FNBP1: variants seen among roughly 807,000 people sequenced by gnomAD.
FNBP1 encodes the protein formin-binding protein 1.
Under a neutral mutation model 90.6 loss-of-function variants are expected in FNBP1, and 26 were observed. That is an observed-to-expected ratio of 0.29 (90% CI 0.21 to 0.40). The LOEUF is 0.40. FNBP1 is among the 10% of genes least tolerant of loss of function. The pLI is 1.00. For missense variants in FNBP1, 635 were observed against 768.0 expected (o/e 0.83, Z 2.05); for synonymous variants, 260 against 265.2 (o/e 0.98, Z 0.19).
At chr9:129,919,911 C>T (rs528419491) in intron 10 of FNBP1, among the ~76,000 whole-genome samples, 4 of 152,286 alleles carry the variant, frequency 2.6e-5, no homozygotes, top group Non-Finnish European at 5.9e-5. Flanking sequence ...CCATGGATGT[C>T]CCATGCAAGA....
intron 12 of FNBP1, among the ~76,000 whole-genome samples, chr9:129,905,223 G>A (rs1237353213): frequency 2.0e-5 from 3 of 148,156 alleles, no homozygotes; most frequent in African/African-American, 7.4e-5. Flanking sequence ...CTTTCCACAT[G>A]TTTATCAACT....
At position 129,890,390 on chromosome 9, in the gene FNBP1, A is replaced by C; in HGVS notation, c.*149T>G. 2.2e-5 allele frequency: 13 copies of C among 595,790 alleles called. No individual in the cohort carries two copies. The highest frequency in any genetic ancestry group is 3.1e-5 in the East Asian group (1 of 32,688). 36.9% of individuals were successfully genotyped at this position (595,790 alleles called of 1,614,324 possible). On this transcript the variant is annotated 3_prime_UTR_variant, in exon 17 of 17. Transcript: ENST00000446176. This position sits in a 1 kb window ranked among gnomAD's most constrained non-coding sequence, Gnocchi z 5.8. ...TGGGCGGGAGGGCAGGGCCGCAGGG[A>C]GCATGCTGGAGAGAGAGAGAGACCG...
At chr9:129,969,675 C>T (rs1192394710) in intron 4 of FNBP1, among the ~76,000 whole-genome samples, 1 of 151,690 alleles carries the variant, frequency 6.6e-6, no homozygotes, top group East Asian at 1.9e-4. Context: ...TTTGAAAGGC[C>T]GACGCGGGAA....
chr9:129,944,019 G>A (rs1310038102), intron 6 of FNBP1, among the ~76,000 whole-genome samples: 1 of 116,412 alleles, frequency 8.6e-6, no homozygotes, highest in South Asian at 2.9e-4. Flanking sequence ...ACCTGCTATC[G>A]TTCTGATGAT....
At chr9:130,038,996 A>T (rs2059593808) in intron 1 of FNBP1, among the ~76,000 whole-genome samples, 1 of 149,868 alleles carries the variant, frequency 6.7e-6, no homozygotes, top group South Asian at 2.1e-4. Flanking sequence ...AGTAGGCAAG[A>T]AAAAAAAAAC....
intron 10 of FNBP1, among the ~76,000 whole-genome samples, chr9:129,921,407 T>G (rs2041075347): frequency 6.6e-6 from 1 of 151,844 alleles, no homozygotes. Flanking sequence ...TTTTTTTTCT[T>G]TTTTGAGACA....
rs550230881 is a variant in FNBP1, at chr9:129,940,518, G to A, written c.514-10823C>T. On this transcript the variant is annotated intron_variant, in intron 6 of 16. Coordinates refer to ENST00000446176, the MANE Select transcript of FNBP1 (RefSeq NM_015033.3). ...AAGAAGTTATGAGGCGTGGGGAACA[G>A]AATGAGAAATTTCACACACATCTAA... Among the ~76,000 whole-genome samples, 13 of 152,088 alleles carry A rather than the reference G, an allele frequency of 8.5e-5. No homozygotes were observed. In the East Asian group the frequency reaches 2.1e-3, roughly 25 times the overall value.
At chr9:129,988,809 A>G (rs765288007) in intron 2 of FNBP1, among the ~76,000 whole-genome samples, 32 of 152,236 alleles carry the variant, frequency 2.1e-4, no homozygotes, top group Admixed American at 4.6e-4. Context: ...CTTTATTTAC[A>G]AAACCAAGTA....
rs913784253 is a variant in FNBP1 at position 129,900,729 on chromosome 9, G to A, written c.1429-182C>T. ...GTCCACGTGGGGGCAGAATGGCCAC[G>A]TTTTCTGCCTTCGACTGTTCAAATG... On this transcript the variant is annotated intron_variant, in intron 13 of 16. Coordinates refer to ENST00000446176, the MANE Select transcript of FNBP1 (RefSeq NM_015033.3). This position sits in a 1 kb window ranked among gnomAD's most constrained non-coding sequence, Gnocchi z 4.1. Among the ~76,000 whole-genome samples the A allele has an allele frequency of 2.6e-5, 4 of 152,252 alleles. No homozygotes were observed. Among genetic ancestry groups the A allele is most frequent in the Admixed American group, 6.5e-5 (1 of 15,284 alleles).
chr9:129,904,308 A>C (rs1438880543), intron 12 of FNBP1, among the ~76,000 whole-genome samples: 1 of 152,222 alleles, frequency 6.6e-6, no homozygotes, highest in African/African-American at 2.4e-5. Flanking sequence ...CATGTCTGGA[A>C]GCAGCCCATG....
intron 2 of FNBP1, among the ~76,000 whole-genome samples, chr9:129,983,071 A>G (rs1315399268): frequency 6.6e-6 from 1 of 152,248 alleles, no homozygotes; most frequent in Non-Finnish European, 1.5e-5. Flanking sequence ...CCAAAATGTT[A>G]AATCCACATT....
intron 2 of FNBP1, among the ~76,000 whole-genome samples, chr9:129,990,000 A>G (rs750596100): frequency 1.2e-4 from 18 of 148,764 alleles, no homozygotes; most frequent in African/African-American, 1.7e-4. Flanking sequence ...CACTCCACCC[A>G]GGGTGACAGA....
At chr9:130,027,978 C>T (rs1354617407) in intron 1 of FNBP1, among the ~76,000 whole-genome samples, 2 of 151,994 alleles carry the variant, frequency 1.3e-5, no homozygotes, top group Admixed American at 6.6e-5. Context: ...GTCTCAAACT[C>T]GTGTGTTCAA....
intron 4 of FNBP1, among the ~76,000 whole-genome samples, chr9:129,961,976 G>T (rs1220835546): frequency 6.6e-6 from 1 of 152,144 alleles, no homozygotes; most frequent in African/African-American, 2.4e-5. Flanking sequence ...ACCCTGTCTG[G>T]GTCCCCAGAG....
rs535365360 is a variant in FNBP1 at position 129,942,022 on chromosome 9, G to T, written c.514-12327C>A. On this transcript the variant is annotated intron_variant, in intron 6 of 16. Transcript: ENST00000446176. The stretch of plus-strand genomic sequence containing the variant: ...GGAGGCGGAGGTTGTAGTGAGCTAA[G>T]ATCGCACCACTGCACTCCAGCCTGG... Among the ~76,000 whole-genome samples, 4 of 151,526 alleles carry T rather than the reference G, an allele frequency of 2.6e-5. No homozygotes were observed. The East Asian group carries it at 5.9e-4, about 22-fold the overall frequency.
chr9:129,947,195 C>T (rs887849520), intron 6 of FNBP1, among the ~76,000 whole-genome samples: 2 of 152,122 alleles, frequency 1.3e-5, no homozygotes, highest in Non-Finnish European at 2.9e-5. Context: ...AATCCCAGCA[C>T]TTTGGGAGGC....
At chr9:129,952,222 A>G (rs4837436) in intron 6 of FNBP1, among the ~76,000 whole-genome samples, 137,017 of 151,862 alleles carry the variant, frequency 0.9, 61,930 homozygotes, top group Non-Finnish European at 0.92. Flanking sequence ...AAAACAGGCC[A>G]GGTGCGGTGG....
rs1564452089 is a variant in FNBP1, at chr9:129,965,633, A to C, written c.346-7080T>G. On this transcript the variant is annotated intron_variant, in intron 4 of 16. Transcript: ENST00000446176. ...CGAGGCAGGGGGATCGCTTGAGGCCAGGAGTTTGAGACCAGCCTGGGTAAC... is the reference window on the plus strand; with the variant it reads ...CGAGGCAGGGGGATCGCTTGAGGCCCGGAGTTTGAGACCAGCCTGGGTAAC... 3.9e-5 allele frequency among the ~76,000 whole-genome samples: 6 copies of C among 152,116 alleles called. No homozygotes were observed. In the East Asian group the frequency reaches 9.7e-4, roughly 25 times the overall value.
intron 1 of FNBP1, among the ~76,000 whole-genome samples, chr9:130,016,471 T>C (rs955412936): frequency 6.6e-6 from 1 of 152,094 alleles, no homozygotes; most frequent in Admixed American, 6.6e-5. Context: ...AGGCCGGGCA[T>C]GGGGGCTCAC....
Sources: gnomAD v4.1 joint callset for allele counts (sites outside exome capture counted in the v4.1 genomes callset) on GRCh38, gnomAD v4.1.1 for gene constraint, Gnocchi (gnomAD v3.1) non-coding constraint, MANE v1.5 for transcripts, NCBI Gene and HGNC (gene_info 2026-07-23, HGNC 2026-07-21) for gene names.